Variants in MAGI2 observed in about 807,000 individuals in gnomAD.
The protein encoded by MAGI2 is membrane associated guanylate kinase, WW and PDZ domain containing 2, also known as membrane-associated guanylate kinase, WW and PDZ domain-containing protein 2.
In MAGI2, 35 loss-of-function variants were observed where a neutral mutation model predicts 133.3. The observed-to-expected ratio is 0.26, with a 90% confidence interval of 0.20 to 0.35. The LOEUF (loss-of-function observed/expected upper bound fraction) is 0.35, where lower values mean the gene tolerates loss of function less well. Ranked by LOEUF, MAGI2 falls within the 10% of genes least tolerant of loss-of-function variation. The pLI, the probability that MAGI2 is intolerant of heterozygous loss-of-function variation, is 1.00. For missense variants in MAGI2, 1,636 were observed against 1,863.4 expected, an observed-to-expected ratio of 0.88 and a Z score of 2.25; for synonymous variants, 729 against 710.6, an observed-to-expected ratio of 1.03 and a Z score of -0.41.
chr7:78,636,114 A>G (rs923147157), intron 2 of MAGI2, among the ~76,000 whole-genome samples: 1 of 152,226 alleles, frequency 6.6e-6, no homozygotes, highest in East Asian at 1.9e-4. Flanking sequence ...CTTATTAAGT[A>G]TAAAAATTAT....
chr7:79,289,596 A>T (rs1836299489), intron 1 of MAGI2, among the ~76,000 whole-genome samples: 1 of 152,150 alleles, frequency 6.6e-6, no homozygotes. Context: ...GTTTTATTAG[A>T]CCCAGATCAA....
chr7:78,328,502 A>AAC lies in MAGI2; in HGVS notation c.1408+15274_1408+15275dup, dbSNP rs1554346526. 2.2e-3 allele frequency among the ~76,000 whole-genome samples: 231 copies of AAC among 105,164 alleles called. 1 individual carries two copies. Among genetic ancestry groups the AAC allele is most frequent in the South Asian group, 7.2e-3 (22 of 3,070 alleles). 69.0% of individuals were successfully genotyped at this position (105,164 alleles called of 152,430 possible). On this transcript the variant is annotated intron_variant, in intron 9 of 21. Transcript: ENST00000354212. ...CAGCTCTTGTTGCTCCCAGCTCTAA[A>AAC]ACACACACACACACACACACACACA...
chr7:78,464,979 A>G (rs140965685), intron 6 of MAGI2, among the ~76,000 whole-genome samples: 96 of 152,294 alleles, frequency 6.3e-4, no homozygotes, highest in African/African-American at 2.2e-3. Flanking sequence ...TATTATAACT[A>G]TGCTTCTATA....
intron 2 of MAGI2, among the ~76,000 whole-genome samples, chr7:78,954,167 A>T (rs921624594): frequency 3.3e-5 from 5 of 152,110 alleles, no homozygotes; most frequent in Admixed American, 2.6e-4. Flanking sequence ...TTTAATATTC[A>T]GTCTTTCCTC....
intron 2 of MAGI2, among the ~76,000 whole-genome samples, chr7:78,971,115 A>G (rs1803751592): frequency 1.3e-5 from 2 of 152,034 alleles, no homozygotes. Flanking sequence ...TCTGGCTAAA[A>G]ATATTTCATA....
At chr7:79,060,960 G>A (rs1206074630) in intron 1 of MAGI2, among the ~76,000 whole-genome samples, 3 of 152,118 alleles carry the variant, frequency 2.0e-5, no homozygotes, top group Non-Finnish European at 4.4e-5. Context: ...TATCTGAGAT[G>A]AGTTTTAAGG....
At chr7:79,225,957 C>T (rs967080759) in intron 1 of MAGI2, among the ~76,000 whole-genome samples, 1 of 152,122 alleles carries the variant, frequency 6.6e-6, no homozygotes, top group Admixed American at 6.5e-5. Context: ...TGCTTGGCTG[C>T]CCTTTGTATA....
chr7:79,271,905 G>A (rs968831323), intron 1 of MAGI2, among the ~76,000 whole-genome samples: 2 of 151,982 alleles, frequency 1.3e-5, no homozygotes, highest in Non-Finnish European at 2.9e-5. Flanking sequence ...AAAGGATTCT[G>A]ATTTAATTAG....
chr7:79,376,109 T>C (rs574203094), intron 1 of MAGI2, among the ~76,000 whole-genome samples: 1 of 151,934 alleles, frequency 6.6e-6, no homozygotes, highest in Non-Finnish European at 1.5e-5. Context: ...CGTGAATTAA[T>C]CTTATTGTAT....
At chr7:79,360,616 C>T (rs1321098612) in intron 1 of MAGI2, among the ~76,000 whole-genome samples, 1 of 152,066 alleles carries the variant, frequency 6.6e-6, no homozygotes, top group Admixed American at 6.5e-5. Context: ...AGTTTCCACA[C>T]TTCACTGGAA....
chr7:79,351,666 T>C (rs1341326322), intron 1 of MAGI2: 2 of 152,168 alleles, frequency 1.3e-5, no homozygotes, highest in Non-Finnish European at 2.9e-5. Flanking sequence ...ATGTACAAAA[T>C]TATTACAATT....
intron 1 of MAGI2, among the ~76,000 whole-genome samples, chr7:79,020,349 G>A (rs1277370032): frequency 6.6e-6 from 1 of 152,172 alleles, no homozygotes; most frequent in African/African-American, 2.4e-5. Context: ...TTTGGAAATG[G>A]AAGTTATGTT....
intron 1 of MAGI2, among the ~76,000 whole-genome samples, chr7:79,193,052 T>A (rs1265454985): frequency 1.3e-5 from 2 of 151,812 alleles, no homozygotes; most frequent in African/African-American, 4.9e-5. Context: ...CCTCAAGTGA[T>A]CCTCCCATCT....
At chr7:78,927,931 A>G (rs1234197831) in intron 2 of MAGI2, among the ~76,000 whole-genome samples, 5 of 151,848 alleles carry the variant, frequency 3.3e-5, no homozygotes, top group Non-Finnish European at 7.4e-5. Flanking sequence ...TGCTATCCCT[A>G]AGGTGCCATA....
intron 1 of MAGI2, among the ~76,000 whole-genome samples, chr7:79,268,533 C>T (rs962047877): frequency 1.3e-5 from 2 of 152,188 alleles, no homozygotes; most frequent in Non-Finnish European, 2.9e-5. Context: ...CCATATTACT[C>T]ATAACAATTG....
chr7:78,643,361 G>T (rs1011668163), intron 2 of MAGI2, among the ~76,000 whole-genome samples: 6 of 152,078 alleles, frequency 3.9e-5, no homozygotes, highest in African/African-American at 1.4e-4. Flanking sequence ...CTGAGCAGAT[G>T]AAAAAGTAGT....
At chr7:78,799,273 A>T (rs1379426770) in intron 2 of MAGI2, among the ~76,000 whole-genome samples, 1 of 152,182 alleles carries the variant, frequency 6.6e-6, no homozygotes, top group African/African-American at 2.4e-5. Flanking sequence ...CACTGGCAGA[A>T]GTAAGCATTG....
chr7:78,142,250 G>A (rs929937179), intron 16 of MAGI2, among the ~76,000 whole-genome samples: 2 of 152,074 alleles, frequency 1.3e-5, no homozygotes, highest in African/African-American at 2.4e-5. Context: ...TTGATTTTGC[G>A]CTAGACCCTG....
chr7:78,978,759 C>G (rs926488298), intron 2 of MAGI2, among the ~76,000 whole-genome samples: 1 of 151,668 alleles, frequency 6.6e-6, no homozygotes, highest in Middle Eastern at 3.2e-3. Context: ...GGCGTGGGGT[C>G]GGGGAGCAAT....
Sources: allele counts gnomAD v4.1 joint callset (sites outside exome capture counted in the v4.1 genomes callset), GRCh38; gene constraint gnomAD v4.1.1; transcripts MANE v1.5; gene names NCBI Gene and HGNC (gene_info 2026-07-23, HGNC 2026-07-21).